The following NBAS variants were observed in gnomAD, a reference collection of about 807,000 sequenced individuals.
The protein encoded by NBAS is NBAS subunit of NRZ tethering complex.
A neutral mutation model predicts 302.5 loss-of-function variants in NBAS; 219 were observed. The observed-to-expected ratio is 0.72, with a 90% CI of 0.65 to 0.81. The LOEUF (loss-of-function observed/expected upper bound fraction) is 0.81. Ranked by LOEUF, NBAS falls within the 30% of genes least tolerant of loss-of-function variation. NBAS has a pLI of 0.00. For missense variants in NBAS, 2,932 were observed against 2,841.6 expected (o/e 1.03, Z -0.72); for synonymous variants, 1,118 against 1,021.6 (o/e 1.09, Z -1.80).
At chr2:15,410,030 C>A (rs1021800543) in intron 25 of NBAS, among the ~76,000 whole-genome samples, 2 of 152,150 alleles carry the variant, frequency 1.3e-5, no homozygotes, top group Non-Finnish European at 2.9e-5. Context: ...AAGAAACTCC[C>A]TGCCCCCACA....
At chr2:15,221,879 G>A (rs190446125) in intron 47 of NBAS, among the ~76,000 whole-genome samples, 70 of 152,270 alleles carry the variant, frequency 4.6e-4, no homozygotes, top group African/African-American at 1.6e-3. Context: ...CTGAAAAGGC[G>A]GTGCAGTTTA....
At chr2:15,523,673 G>A (rs1230998553) in intron 9 of NBAS, among the ~76,000 whole-genome samples, 1 of 152,090 alleles carries the variant, frequency 6.6e-6, no homozygotes, top group Non-Finnish European at 1.5e-5. Context: ...CAACACTTTG[G>A]GAAGCCAAGA....
the NBAS span, among the ~76,000 whole-genome samples, chr2:14,791,897 C>T: frequency 6.6e-6 from 1 of 152,206 alleles, no homozygotes; most frequent in South Asian, 2.1e-4. Flanking sequence ...CTAGTCTCAA[C>T]AAGCAGCCTG....
At chr2:15,252,089 A>G (rs1368422958) in intron 44 of NBAS, among the ~76,000 whole-genome samples, 5 of 152,220 alleles carry the variant, frequency 3.3e-5, no homozygotes, top group African/African-American at 1.2e-4. Flanking sequence ...GAGCAACACA[A>G]TCAGCACCAG....
At chr2:15,055,287 C>T in the NBAS span, among the ~76,000 whole-genome samples, 3 of 152,180 alleles carry the variant, frequency 2.0e-5, no homozygotes, top group African/African-American at 7.2e-5. Context: ...GCTGAAGGAT[C>T]TGGAAGAGGA....
chr2:14,896,283 G>T, the NBAS span, among the ~76,000 whole-genome samples: 3 of 152,024 alleles, frequency 2.0e-5, no homozygotes, highest in African/African-American at 7.3e-5. Flanking sequence ...CAGCCAATAC[G>T]CTATGTAATG....
intron 47 of NBAS, among the ~76,000 whole-genome samples, chr2:15,223,331 A>AT (rs924127128): frequency 1.0e-4 from 15 of 149,460 alleles, no homozygotes; most frequent in South Asian, 2.1e-4. Context: ...GCATGTCAGT[A>AT]TTTTTTTTTT....
chr2:15,169,380 C>T (rs559807366), intron 51 of NBAS, among the ~76,000 whole-genome samples: 2 of 152,332 alleles, frequency 1.3e-5, no homozygotes, highest in East Asian at 3.9e-4. Context: ...CTCGCTGGGG[C>T]TGCCTGTGAG....
At chr2:14,955,900 C>T in the NBAS span, among the ~76,000 whole-genome samples, 2 of 152,210 alleles carry the variant, frequency 1.3e-5, no homozygotes. Flanking sequence ...TCCCCATTGC[C>T]TTGGGGACTA....
At chr2:15,018,802 T>G in the NBAS span, among the ~76,000 whole-genome samples, 1 of 152,204 alleles carries the variant, frequency 6.6e-6, no homozygotes, top group Non-Finnish European at 1.5e-5. Context: ...CCTTAGTTTC[T>G]GAGAATCAGA....
At chr2:15,439,170 G>A (rs564481917) in intron 21 of NBAS, among the ~76,000 whole-genome samples, 7 of 152,018 alleles carry the variant, frequency 4.6e-5, no homozygotes, top group African/African-American at 1.7e-4. Flanking sequence ...GGGTGCAGTG[G>A]CAGGCACCTG....
intron 38 of NBAS, 129 bp from the exon 39 acceptor site, chr2:15,309,376 G>C (rs1175528401): frequency 1.4e-6 from 1 of 704,954 alleles, no homozygotes; most frequent in Non-Finnish European, 2.4e-6. Flanking sequence ...AGGAAAGGCT[G>C]TTCAGCACCA....
chr2:15,249,742 C>T (rs1668274646), intron 44 of NBAS, among the ~76,000 whole-genome samples: 1 of 152,100 alleles, frequency 6.6e-6, no homozygotes. Flanking sequence ...CCTAGGAATA[C>T]AACTTACAAG....
At chr2:15,351,849 G>GA (rs1673371623) in intron 35 of NBAS, 143 bp downstream of exon 35, 2 of 710,108 alleles carry the variant, frequency 2.8e-6, no homozygotes, top group Non-Finnish European at 2.5e-6. Flanking sequence ...CACAAAAGCT[G>GA]AAAAGAAAAG....
At chr2:15,183,016 T>C (rs771728260) in intron 50 of NBAS, among the ~76,000 whole-genome samples, 7 of 151,962 alleles carry the variant, frequency 4.6e-5, no homozygotes, top group Non-Finnish European at 8.8e-5. Context: ...TCCTAAATCA[T>C]GGAGTACGAC....
chr2:14,994,201 C>A, the NBAS span, among the ~76,000 whole-genome samples: 1 of 152,166 alleles, frequency 6.6e-6, no homozygotes, highest in Non-Finnish European at 1.5e-5. Context: ...GTATGTTTAA[C>A]AGAACTGAAT....
intron 48 of NBAS, 31 bp downstream of exon 48, chr2:15,218,742 A>G (rs1265326733): frequency 6.8e-6 from 11 of 1,613,848 alleles, no homozygotes; most frequent in Non-Finnish European, 9.3e-6. Flanking sequence ...TATTGTTAGT[A>G]AGAAAAATAA....
At chr2:15,375,105 C>G (rs1189894874) in intron 30 of NBAS, among the ~76,000 whole-genome samples, 1 of 152,176 alleles carries the variant, frequency 6.6e-6, no homozygotes, top group East Asian at 1.9e-4. Context: ...TTTCCAGTTT[C>G]CCTTCTACGA....
chr2:14,904,904 C>T, the NBAS span, among the ~76,000 whole-genome samples: 51,177 of 151,530 alleles, frequency 0.34, 9,994 homozygotes, highest in African/African-American at 0.55. Flanking sequence ...AAAAAATTAG[C>T]CAGGCGCAGT....
Sources: allele counts gnomAD v4.1 joint callset (sites outside exome capture counted in the v4.1 genomes callset), GRCh38; gene constraint gnomAD v4.1.1; transcripts MANE v1.5; gene names NCBI Gene and HGNC (gene_info 2026-07-23, HGNC 2026-07-21).